SCAMP4: variants seen among roughly 807,000 people sequenced by gnomAD.
The protein encoded by SCAMP4 is secretory carrier-associated membrane protein 4.
In SCAMP4, 19 loss-of-function variants were observed where a neutral mutation model predicts 32.1. That is an observed-to-expected ratio of 0.59 (90% CI 0.41 to 0.87). The LOEUF (loss-of-function observed/expected upper bound fraction) is 0.87, where lower values mean the gene tolerates loss of function less well. Ranked by LOEUF, SCAMP4 falls within the 40% of genes least tolerant of loss-of-function variation. The pLI is 0.00. For synonymous variants in SCAMP4, 152 were observed against 132.7 expected (o/e 1.15, Z -1.00); for missense variants, 302 against 309.0 (o/e 0.98, Z 0.17).
In SCAMP4 at chr19:1,924,754, A is replaced by G; in HGVS notation, c.*470A>G. Reference sequence around the variant, plus strand: ...CAGATGCCCTTGGCCGGAACTAATAAGAGGCGTCGGGGCCAGCTTCCGGTC... The same window carrying G: ...CAGATGCCCTTGGCCGGAACTAATAGGAGGCGTCGGGGCCAGCTTCCGGTC... On this transcript the variant is annotated 3_prime_UTR_variant, in exon 7 of 7. Transcript: ENST00000316097. 1 of 196,172 alleles carries G rather than the reference A, an allele frequency of 5.1e-6. No individual in the cohort carries two copies. Among genetic ancestry groups the G allele is most frequent in the Non-Finnish European group, 1.1e-5 (1 of 92,134 alleles). The allele number at this position is 196,172 out of a possible 1,614,324, so 12.2% of individuals were successfully genotyped here. A position where few individuals can be genotyped will look rare whatever the true frequency, so the allele number is the denominator to read the frequency against.
chr19:1,911,886 C>A, intron 1 of SCAMP4: 1 of 854,988 alleles, frequency 1.2e-6, no homozygotes, highest in Non-Finnish European at 1.6e-6. Flanking sequence ...TCTGTGCACA[C>A]CAGGGGTTAG....
chr19:1,921,685 A>G (rs2013925370), intron 5 of SCAMP4: 1 of 985,336 alleles, frequency 1.0e-6, no homozygotes, highest in Non-Finnish European at 1.2e-6. Context: ...ACTTTTTTAA[A>G]AAATAAAAGA....
chr19:1,913,372 C>A, intron 1 of SCAMP4: 1 of 676,154 alleles, frequency 1.5e-6, no homozygotes, highest in Non-Finnish European at 2.5e-6. Context: ...TGCGGCCGCC[C>A]TTGCTGCGTT....
intron 5 of SCAMP4, chr19:1,922,533 C>T (rs949823352): frequency 2.0e-6 from 2 of 985,314 alleles, no homozygotes; most frequent in Admixed American, 6.1e-5. Context: ...CTGCGCCCGG[C>T]CTCCTCATTG....
At chr19:1,911,654 A>G (rs1599238431) in intron 1 of SCAMP4, among the ~76,000 whole-genome samples, 1 of 152,290 alleles carries the variant, frequency 6.6e-6, no homozygotes, top group Non-Finnish European at 1.5e-5. Context: ...GTGGTGGCGC[A>G]TGCCTGTAAT....
chr19:1,912,716 G>T (rs1157011099), intron 1 of SCAMP4: 3 of 1,516,258 alleles, frequency 2.0e-6, no homozygotes, highest in Non-Finnish European at 2.6e-6. Context: ...CGGACCGCGT[G>T]CTGGCCACCG....
chr19:1,923,708 T>TC (rs1205492421), intron 6 of SCAMP4, among the ~76,000 whole-genome samples: 5 of 138,466 alleles, frequency 3.6e-5, no homozygotes, highest in Non-Finnish European at 7.6e-5. Flanking sequence ...AAGCTCCGCC[T>TC]CTGGGGTTCA....
At chr19:1,916,709 C>G (rs1357025796) in intron 2 of SCAMP4, among the ~76,000 whole-genome samples, 3 of 152,346 alleles carry the variant, frequency 2.0e-5, no homozygotes, top group African/African-American at 7.2e-5. Context: ...CCTCCTGCCT[C>G]AGCCTCCAAA....
chr19:1,912,841 G>T (rs1312042745), intron 1 of SCAMP4: 6 of 1,594,430 alleles, frequency 3.8e-6, no homozygotes, highest in Non-Finnish European at 4.3e-6. Context: ...TTCCCCGCCT[G>T]CTCCTTCGCC....
Position 1,924,172 on chromosome 19 carries a change from G to A in SCAMP4, c.578G>A (p.Gly193Asp). The A allele has an allele frequency of 1.2e-6, 2 of 1,611,852 alleles. No homozygotes were observed. The highest frequency in any genetic ancestry group is 1.7e-6 in the Non-Finnish European group (2 of 1,179,012). Reference sequence around the variant, plus strand: ...AAGGCACAGACGGAGTGGAACACGGGCACTTGGCGGAACCCACCGTCGAGG... The same window carrying A: ...AAGGCACAGACGGAGTGGAACACGGACACTTGGCGGAACCCACCGTCGAGG... The part of the protein sequence containing the change: ...FQKAQTEWNT[G>D]TWRNPPSREA... Residue 193 changes from glycine (G) to aspartate (D), a missense_variant, in exon 7 of 7, where the codon GGC becomes GAC. Coordinates refer to ENST00000316097, the MANE Select transcript of SCAMP4 (RefSeq NM_079834.4).
Position 1,912,924 on chromosome 19 carries a change from T to A in SCAMP4, c.-41-2055T>A, listed in dbSNP as rs2013561587. 6.2e-7 allele frequency: 1 copy of A among 1,610,146 alleles called. No homozygotes were observed. Among genetic ancestry groups the A allele is most frequent in the Non-Finnish European group, 8.5e-7 (1 of 1,179,300 alleles). On this transcript the variant is annotated intron_variant, in intron 1 of 6. Transcript: ENST00000316097. ...GGACGCAGACGAGGACGGCCTCCCC[T>A]ACCTGTGCACTGGCTACGACCTGTA...
Position 1,914,963 on chromosome 19 carries a change from G to T in SCAMP4, c.-41-16G>T, listed in dbSNP as rs772455758. ...GGCAGCTCAGGGTTCCCTGACTGTG[G>T]TTGTCTTCCTTCCAGGCGGCTGCAG... On this transcript the variant is annotated splice_polypyrimidine_tract_variant and intron_variant, in intron 1 of 6. Coordinates refer to ENST00000316097, the MANE Select transcript of SCAMP4 (RefSeq NM_079834.4). 7.4e-6 allele frequency: 12 copies of T among 1,612,540 alleles called. No homozygotes were observed. The Admixed American group carries it at 2.0e-4, about 27-fold the overall frequency.
Position 1,908,505 on chromosome 19 carries a change from C to T in SCAMP4, c.-42+3066C>T, listed in dbSNP as rs1180481980. The T allele has an allele frequency of 2.1e-6, 1 of 471,096 alleles. No homozygotes were observed. Among genetic ancestry groups the T allele is most frequent in the Non-Finnish European group, 4.4e-6 (1 of 227,032 alleles). The allele number at this position is 471,096 out of a possible 1,614,324, so 29.2% of individuals were successfully genotyped here. ...CTGTCTGCGGGAGGAGCCGTCCATA[C>T]CAGCGGGGATGTGTAGTCCAGGCTG... On this transcript the variant is annotated intron_variant, in intron 1 of 6. Transcript: ENST00000316097. This position sits in a 1 kb window ranked among gnomAD's most constrained non-coding sequence, Gnocchi z 4.2.
At chr19:1,922,990 A>G (rs2013967575) in intron 5 of SCAMP4, 80 bp from the exon 6 acceptor site, 6 of 1,430,432 alleles carry the variant, frequency 4.2e-6, no homozygotes, top group Non-Finnish European at 4.6e-6. Flanking sequence ...AGCTCTTTAC[A>G]TGGGGAGGAC....
chr19:1,912,612 A>C, intron 1 of SCAMP4: 1 of 1,477,540 alleles, frequency 6.8e-7, no homozygotes, highest in Non-Finnish European at 8.9e-7. Context: ...GCGCGCCGCC[A>C]TGCAGAGCCA....
chr19:1,922,933 A>C lies in SCAMP4; in HGVS notation c.396-137A>C, dbSNP rs566081170. 42 of 1,353,638 alleles carry C rather than the reference A, an allele frequency of 3.1e-5. No homozygotes were observed. In the South Asian group the frequency reaches 7.4e-4, roughly 24 times the overall value. 83.9% of individuals were successfully genotyped at this position (1,353,638 alleles called of 1,614,324 possible). On this transcript the variant is annotated intron_variant, in intron 5 of 6. Transcript: ENST00000316097. ...CAGTATCGCTTTATGTTTGTTGGCC[A>C]CTTGGTCGTCCTTGTATGAGCTGTC...
chr19:1,917,737 G>T lies in SCAMP4; in HGVS notation c.51G>T (p.Val17=). The T allele has an allele frequency of 6.2e-7, 1 of 1,614,042 alleles. No homozygotes were observed. The highest frequency in any genetic ancestry group is 1.3e-5 in the African/African-American group (1 of 75,056). ...NFPPLPKFIP[V]KPCFYQNFSD... ...CGCCACTGCCCAAGTTCATCCCTGTGAAGCCCTGCTTCTACCAGAACTTCT... is the reference window on the plus strand; with the variant it reads ...CGCCACTGCCCAAGTTCATCCCTGTTAAGCCCTGCTTCTACCAGAACTTCT... Residue 17 remains valine (V), a synonymous_variant, in exon 3 of 7, where the codon GTG becomes GTT. Coordinates refer to ENST00000316097, the MANE Select transcript of SCAMP4 (RefSeq NM_079834.4).
rs577299428 is a variant in SCAMP4 at position 1,923,244 on chromosome 19, C to A, written c.513+57C>A. ...TACCCCTTCTCCATGAACCTCGTCA[C>A]CCAACTGTCCCAGGTGGGTGAACGT... On this transcript the variant is annotated intron_variant, in intron 6 of 6. Transcript: ENST00000316097. 7.7e-6 allele frequency: 11 copies of A among 1,435,870 alleles called. No individual in the cohort carries two copies. In the East Asian group the frequency reaches 7.8e-5, roughly 10 times the overall value. The allele number at this position is 1,435,870 out of a possible 1,614,324, so 88.9% of individuals were successfully genotyped here.
intron 3 of SCAMP4, 150 bp from the exon 4 acceptor site, chr19:1,917,977 G>A (rs1313165558): frequency 1.4e-5 from 19 of 1,338,112 alleles, no homozygotes; most frequent in Non-Finnish European, 1.8e-5. Flanking sequence ...CTGGTGTCCA[G>A]GCCCCAGTGT....
Sources: gnomAD v4.1 joint callset for allele counts (sites outside exome capture counted in the v4.1 genomes callset) on GRCh38, gnomAD v4.1.1 for gene constraint, Gnocchi (gnomAD v3.1) non-coding constraint, MANE v1.5 for transcripts, NCBI Gene and HGNC (gene_info 2026-07-23, HGNC 2026-07-21) for gene names.